GRIK1: variants seen among roughly 807,000 people sequenced by gnomAD.
The protein encoded by GRIK1 is glutamate ionotropic receptor kainate type subunit 1, also known as glutamate receptor ionotropic, kainate 1.
Under a neutral mutation model 105.7 loss-of-function variants are expected in GRIK1, and 69 were observed. That is an observed-to-expected ratio of 0.65 (90% CI 0.54 to 0.80). The LOEUF (loss-of-function observed/expected upper bound fraction) is 0.80. Among genes scored for constraint, GRIK1 ranks in the 30% least tolerant of loss-of-function variants. The pLI, the probability that GRIK1 is intolerant of heterozygous loss-of-function variation, is 0.00. For missense variants in GRIK1, 1,109 were observed against 1,167.3 expected (o/e 0.95, Z 0.73); for synonymous variants, 438 against 431.3 (o/e 1.02, Z -0.19).
chr21:29,720,662 C>T (rs1055971228), intron 1 of GRIK1, among the ~76,000 whole-genome samples: 1 of 152,156 alleles, frequency 6.6e-6, no homozygotes, highest in Non-Finnish European at 1.5e-5. Flanking sequence ...TCTTCTACTT[C>T]GCCTGCTGGA....
intron 1 of GRIK1, among the ~76,000 whole-genome samples, chr21:29,830,449 C>T (rs1013642514): frequency 2.6e-5 from 4 of 151,902 alleles, no homozygotes; most frequent in Admixed American, 6.6e-5. Flanking sequence ...TAGATCCATT[C>T]CACTTCTTCC....
intron 15 of GRIK1, among the ~76,000 whole-genome samples, chr21:29,558,159 T>G (rs2090302816): frequency 6.6e-6 from 1 of 152,118 alleles, no homozygotes; most frequent in African/African-American, 2.4e-5. Flanking sequence ...AGCAAAGTCT[T>G]CAATTTTGTG....
chr21:29,741,440 AT>A (rs2064925157), intron 1 of GRIK1, among the ~76,000 whole-genome samples: 1 of 152,168 alleles, frequency 6.6e-6, no homozygotes, highest in Admixed American at 6.5e-5. Context: ...GGTGGGGGGC[AT>A]TTCTGAAATC....
At chr21:29,692,676 C>G (rs1027033129) in intron 2 of GRIK1, among the ~76,000 whole-genome samples, 1 of 152,202 alleles carries the variant, frequency 6.6e-6, no homozygotes, top group Non-Finnish European at 1.5e-5. Flanking sequence ...CGGGTTCACA[C>G]TATTCTCCTG....
At chr21:29,560,301 T>C (rs945656619) in intron 15 of GRIK1, among the ~76,000 whole-genome samples, 1 of 105,294 alleles carries the variant, frequency 9.5e-6, no homozygotes, top group Non-Finnish European at 1.9e-5. Flanking sequence ...CTTTCTTTCT[T>C]TCTTTCTTTC....
At chr21:29,821,863 G>T (rs1569130898) in intron 1 of GRIK1, among the ~76,000 whole-genome samples, 1 of 151,912 alleles carries the variant, frequency 6.6e-6, no homozygotes, top group Admixed American at 6.6e-5. Flanking sequence ...ATGTACTCAT[G>T]ACACACAACT....
At chr21:29,674,840 C>T (rs1325778322) in intron 3 of GRIK1, among the ~76,000 whole-genome samples, 1 of 152,166 alleles carries the variant, frequency 6.6e-6, no homozygotes, top group Admixed American at 6.5e-5. Flanking sequence ...TGGACTAACA[C>T]ATGAATCTTT....
At chr21:29,601,556 G>A (rs1226507093) in intron 7 of GRIK1, among the ~76,000 whole-genome samples, 2 of 152,166 alleles carry the variant, frequency 1.3e-5, no homozygotes, top group Non-Finnish European at 2.9e-5. Flanking sequence ...AACAGGCCTG[G>A]GCTCTCCAGC....
At chr21:29,648,725 AC>A (rs1312463005) in intron 6 of GRIK1, among the ~76,000 whole-genome samples, 1 of 152,140 alleles carries the variant, frequency 6.6e-6, no homozygotes, top group Non-Finnish European at 1.5e-5. Flanking sequence ...TATGAAGAAA[AC>A]AAAAACAGGT....
intron 14 of GRIK1, among the ~76,000 whole-genome samples, chr21:29,564,368 C>T (rs1401895847): frequency 6.6e-6 from 1 of 152,038 alleles, no homozygotes; most frequent in Non-Finnish European, 1.5e-5. Context: ...GGGATGGTCT[C>T]GATCTCCTGA....
At chr21:29,839,580 AG>A (rs1280027807) in intron 1 of GRIK1, among the ~76,000 whole-genome samples, 2 of 152,330 alleles carry the variant, frequency 1.3e-5, no homozygotes, top group East Asian at 3.9e-4. Flanking sequence ...TGTATGACTT[AG>A]GGATTTGAGC....
chr21:29,937,108 A>T (rs1157628963), intron 1 of GRIK1, among the ~76,000 whole-genome samples: 1 of 152,236 alleles, frequency 6.6e-6, no homozygotes, highest in East Asian at 1.9e-4. Context: ...ACACACACAC[A>T]TAAACTTTGG....
intron 6 of GRIK1, among the ~76,000 whole-genome samples, chr21:29,650,245 A>G (rs1229733261): frequency 6.6e-6 from 1 of 152,212 alleles, no homozygotes; most frequent in Admixed American, 6.5e-5. Flanking sequence ...AAAAAATCCC[A>G]AGTTCTCTGT....
chr21:29,667,355 C>T (rs2063079437), intron 4 of GRIK1, among the ~76,000 whole-genome samples: 1 of 152,136 alleles, frequency 6.6e-6, no homozygotes, highest in Non-Finnish European at 1.5e-5. Flanking sequence ...ATTGTCATTG[C>T]ACTTTCTAGC....
chr21:29,658,703 T>C (rs1272152781), intron 4 of GRIK1, among the ~76,000 whole-genome samples: 1 of 152,208 alleles, frequency 6.6e-6, no homozygotes, highest in Non-Finnish European at 1.5e-5. Flanking sequence ...TATCTATTGA[T>C]TTTGGAAGAT....
chr21:29,833,755 C>T (rs2067705340), intron 1 of GRIK1, among the ~76,000 whole-genome samples: 1 of 152,096 alleles, frequency 6.6e-6, no homozygotes, highest in Non-Finnish European at 1.5e-5. Flanking sequence ...TCACCCCCTA[C>T]CCATACACAC....
chr21:29,837,493 G>T (rs2067840433), intron 1 of GRIK1, among the ~76,000 whole-genome samples: 1 of 152,132 alleles, frequency 6.6e-6, no homozygotes, highest in Non-Finnish European at 1.5e-5. Context: ...GCAGGACTAT[G>T]AGAGCACTGA....
At chr21:29,750,238 C>CTCCA (rs1390529556) in intron 1 of GRIK1, among the ~76,000 whole-genome samples, 1 of 137,838 alleles carries the variant, frequency 7.3e-6, no homozygotes, top group Non-Finnish European at 1.5e-5. Context: ...CCTTCCCTTC[C>CTCCA]TCCCTCCCTC....
At chr21:29,880,851 C>T (rs1235961907) in intron 1 of GRIK1, among the ~76,000 whole-genome samples, 3 of 152,056 alleles carry the variant, frequency 2.0e-5, no homozygotes, top group African/African-American at 7.2e-5. Context: ...AGCAGTGTTG[C>T]CCACTGTCCC....
Sources: gnomAD v4.1 joint callset for allele counts (sites outside exome capture counted in the v4.1 genomes callset) on GRCh38, gnomAD v4.1.1 for gene constraint, MANE v1.5 for transcripts, NCBI Gene and HGNC (gene_info 2026-07-23, HGNC 2026-07-21) for gene names.